Variants in TP73 observed in about 807,000 individuals in gnomAD.
The protein encoded by TP73 is tumor protein p73, also known as p53-like transcription factor.
TP73 carries 25 observed loss-of-function variants against 62.5 expected under a neutral mutation model. The observed-to-expected ratio is 0.40, with a 90% CI of 0.29 to 0.56. TP73 has a LOEUF of 0.56. Among genes scored for constraint, TP73 ranks in the 20% least tolerant of loss-of-function variants. The pLI, the probability that TP73 is intolerant of heterozygous loss-of-function variation, is 0.46. For missense variants in TP73, 754 were observed against 913.3 expected, an observed-to-expected ratio of 0.83 and a Z score of 2.25; for synonymous variants, 423 against 377.5, an observed-to-expected ratio of 1.12 and a Z score of -1.40.
chr1:3,723,468 A>T lies in TP73; in HGVS notation c.731A>T (p.Gln244Leu). 1 of 1,584,800 alleles carries T rather than the reference A, an allele frequency of 6.3e-7. No homozygotes were observed. Among genetic ancestry groups the T allele is most frequent in the Non-Finnish European group, 8.6e-7 (1 of 1,159,046 alleles). ...QSVVVPYEPP[Q>L]VGTEFTTILY... ...GTCGTGGTGCCCTATGAGCCACCAC[A>T]GGTAGGCCAGGAGCCAGGCTGTGCC... is the stretch of plus-strand genomic sequence containing the variant. The change falls in exon 6 of 14, where the codon CAG becomes CTG. Residue 244 changes from glutamine to leucine, a missense_variant and splice_region_variant. Physicochemically the swap from Gln to Leu is moderately radical, Grantham distance 113 (BLOSUM62 -2). Around this residue, in one of 3 missense-constraint regions of TP73, gnomAD observed 61 missense variants for 133.2 expected, o/e 0.46. Transcript: ENST00000378295.
intron 4 of TP73, among the ~76,000 whole-genome samples, chr1:3,713,161 G>A (rs769194713): frequency 3.0e-4 from 45 of 152,372 alleles, no homozygotes; most frequent in Non-Finnish European, 5.4e-4. Context: ...GGGACTGGGG[G>A]TGGAGAGCTG....
chr1:3,660,098 T>A (rs80303864), intron 1 of TP73, among the ~76,000 whole-genome samples: 14,678 of 152,308 alleles, frequency 0.096, 763 homozygotes, highest in African/African-American at 0.12. Context: ...TCAGCTTTGC[T>A]GGAACTTTTA....
intron 3 of TP73, 96 bp downstream of exon 3, chr1:3,683,276 C>A: frequency 6.9e-7 from 1 of 1,455,242 alleles, no homozygotes; most frequent in Admixed American, 2.1e-5. Context: ...AGGAGATAGC[C>A]TCTTGGTTGT....
At chr1:3,678,934 G>A (rs72846516) in intron 1 of TP73, among the ~76,000 whole-genome samples, 121 of 152,334 alleles carry the variant, frequency 7.9e-4, no homozygotes, top group African/African-American at 2.8e-3. Flanking sequence ...AACTCCTGGC[G>A]TGGAGGAAGC....
At chr1:3,673,733 G>A (rs1419546949) in intron 1 of TP73, among the ~76,000 whole-genome samples, 1 of 152,214 alleles carries the variant, frequency 6.6e-6, no homozygotes, top group Non-Finnish European at 1.5e-5. Flanking sequence ...CAGCAAGAAG[G>A]CCTGGGCAGG....
At chr1:3,656,602 G>T (rs777641535) in intron 1 of TP73, among the ~76,000 whole-genome samples, 18 of 152,218 alleles carry the variant, frequency 1.2e-4, no homozygotes, top group Non-Finnish European at 2.2e-4. Flanking sequence ...CTTGCACAGG[G>T]TCACACAGCT....
chr1:3,730,997 C>T lies in TP73; in HGVS notation c.1416C>T (p.Ala472=). 6.2e-7 allele frequency: 1 copy of T among 1,612,498 alleles called. No homozygotes were observed. Among genetic ancestry groups the T allele is most frequent in the Middle Eastern group, 1.7e-4 (1 of 6,058 alleles). ...ANGEMSSSHS[A]QSMVSGSHCT... Reference sequence around the variant, plus strand: ...GCGAGATGAGCAGCAGCCACAGCGCCCAGTCCATGGTCTCGGGGTCCCACT... The same window carrying T: ...GCGAGATGAGCAGCAGCCACAGCGCTCAGTCCATGGTCTCGGGGTCCCACT... Residue 472 remains alanine, a synonymous_variant, in exon 12 of 14, where the codon GCC becomes GCT. Transcript: ENST00000378295.
intron 1 of TP73, among the ~76,000 whole-genome samples, chr1:3,673,316 G>A (rs4648546): frequency 6.6e-6 from 1 of 152,092 alleles, no homozygotes; most frequent in Admixed American, 6.5e-5. Flanking sequence ...CAGTTCTGTC[G>A]CTCAGCCTGG....
Position 3,672,585 on chromosome 1 carries a change from C to T in TP73, c.-33-9748C>T, listed in dbSNP as rs1018666047. ...GGCCATAAGCTCCGCTCTGTCCCAG[C>T]CCTGGACCCCTCACCCCCTATCCTT... On this transcript the variant is annotated intron_variant, in intron 1 of 13. Coordinates refer to ENST00000378295, the MANE Select transcript of TP73 (RefSeq NM_005427.4). This position sits in a 1 kb window ranked among gnomAD's most constrained non-coding sequence, Gnocchi z 5.3. 3.9e-5 allele frequency among the ~76,000 whole-genome samples: 6 copies of T among 152,102 alleles called. No individual in the cohort carries two copies. Among genetic ancestry groups the T allele is most frequent in the Admixed American group, 6.5e-5 (1 of 15,276 alleles).
At chr1:3,684,605 T>G (rs953983908) in intron 3 of TP73, among the ~76,000 whole-genome samples, 2 of 151,790 alleles carry the variant, frequency 1.3e-5, no homozygotes, top group African/African-American at 2.4e-5. Flanking sequence ...GGGGCCGTGT[T>G]GCCTGTTCCG....
intron 13 of TP73, 67 bp downstream of exon 13, chr1:3,731,623 G>A (rs1642147280): frequency 3.5e-6 from 5 of 1,423,540 alleles, no homozygotes; most frequent in Non-Finnish European, 4.9e-6. Context: ...GGAGGGCAAA[G>A]AGCCTTCTCT....
intron 4 of TP73, among the ~76,000 whole-genome samples, chr1:3,721,185 G>C (rs994189593): frequency 1.3e-5 from 2 of 152,226 alleles, no homozygotes; most frequent in Non-Finnish European, 1.5e-5. Context: ...AGCCGGCCTG[G>C]GTCCTCAGAT....
At chr1:3,709,243 C>T (rs34768796) in intron 4 of TP73, among the ~76,000 whole-genome samples, 10,003 of 152,256 alleles carry the variant, frequency 0.066, 414 homozygotes, top group Middle Eastern at 0.12. Context: ...AGCCCGGACT[C>T]GCTGGGCTTG....
In TP73 at chr1:3,670,927, G is replaced by A. The variant is rs954565069; in HGVS notation, c.-33-11406G>A. On this transcript the variant is annotated intron_variant, in intron 1 of 13. Coordinates refer to ENST00000378295, the MANE Select transcript of TP73 (RefSeq NM_005427.4). The surrounding 1 kb of genome is among the most constrained non-coding windows in gnomAD (Gnocchi z 5.9). ...CAGTCAGGGCTTGGTGGTCTGGCCC[G>A]CAAAGAGTCAGCATGTGAATGTCTC... Among the ~76,000 whole-genome samples, 6 of 152,192 alleles carry A rather than the reference G, an allele frequency of 3.9e-5. No homozygotes were observed. Among genetic ancestry groups the A allele is most frequent in the African/African-American group, 4.8e-5 (2 of 41,446 alleles).
intron 9 of TP73, among the ~76,000 whole-genome samples, chr1:3,728,713 G>A (rs1278623719): frequency 6.6e-6 from 1 of 152,378 alleles, no homozygotes; most frequent in East Asian, 1.9e-4. Context: ...AGTGGCTCAT[G>A]CCTGTAATCC....
chr1:3,721,652 C>T (rs1355784871), intron 4 of TP73, among the ~76,000 whole-genome samples: 1 of 152,228 alleles, frequency 6.6e-6, no homozygotes, highest in Non-Finnish European at 1.5e-5. Flanking sequence ...CTTCCACAGG[C>T]CTGGCTCCCA....
At chr1:3,707,328 C>T (rs1639743424) in intron 3 of TP73, among the ~76,000 whole-genome samples, 1 of 152,056 alleles carries the variant, frequency 6.6e-6, no homozygotes, top group Non-Finnish European at 1.5e-5. Flanking sequence ...TCCCCAGAAA[C>T]CCTGGCACCG....
At chr1:3,714,336 AGAGGGCACCCACT>A (rs1640412405) in intron 4 of TP73, 5 of 152,282 alleles carry the variant, frequency 3.3e-5, no homozygotes, top group Admixed American at 3.3e-4. Flanking sequence ...TCCTGTGAGC[AGAGGGCACCCACT>A]GACCCTGGGG....
At position 3,725,015 on chromosome 1, in the gene TP73, T is replaced by C. The variant is rs575320861; in HGVS notation, c.732+1546T>C. On this transcript the variant is annotated intron_variant, in intron 6 of 13. Coordinates refer to ENST00000378295, the MANE Select transcript of TP73 (RefSeq NM_005427.4). The stretch of plus-strand genomic sequence containing the variant: ...GCCTGGGGGACAGAGAGAGACTCCG[T>C]CTCAAAAAAAAAAAAAAGAGTTTTG... Among the ~76,000 whole-genome samples the C allele has an allele frequency of 4.2e-3, 621 of 149,336 alleles. 1 individual carries two copies. The highest frequency in any genetic ancestry group is 7.0e-3 in the Non-Finnish European group (470 of 67,458).
Sources: gnomAD v4.1 joint callset for allele counts (sites outside exome capture counted in the v4.1 genomes callset) on GRCh38, gnomAD v4.1.1 for gene constraint, gnomAD v4.1.1 regional missense constraint, Gnocchi (gnomAD v3.1) non-coding constraint, MANE v1.5 for transcripts, NCBI Gene and HGNC (gene_info 2026-07-23, HGNC 2026-07-21) for gene names.